CCDC146: variants seen among roughly 807,000 people sequenced by gnomAD.
CCDC146 encodes the protein coiled-coil domain containing 146.
A neutral mutation model predicts 119.3 loss-of-function variants in CCDC146; 92 were observed. The ratio of observed to expected loss-of-function variants is 0.77; its 90% CI spans 0.65 to 0.92. CCDC146 has a LOEUF of 0.92. Ranked by LOEUF, CCDC146 falls within the 40% of genes least tolerant of loss-of-function variation. The pLI is 0.00. For synonymous variants in CCDC146, 372 were observed against 371.8 expected, an observed-to-expected ratio of 1.00 and a Z score of -0.01; for missense variants, 1,000 against 1,103.0, an observed-to-expected ratio of 0.91 and a Z score of 1.32.
chr7:77,221,573 C>T (rs753578977), intron 2 of CCDC146, among the ~76,000 whole-genome samples: 3 of 152,200 alleles, frequency 2.0e-5, no homozygotes, highest in Non-Finnish European at 4.4e-5. Flanking sequence ...GCTGCACCCC[C>T]ACCCTGATAC....
At chr7:77,280,348 C>T (rs969081715) in intron 13 of CCDC146, 81 bp from the exon 14 acceptor site, 7 of 1,094,062 alleles carry the variant, frequency 6.4e-6, no homozygotes, top group Admixed American at 5.5e-5. Context: ...TTTGATAGTG[C>T]TTGTGTTTCA....
intron 1 of CCDC146, among the ~76,000 whole-genome samples, chr7:77,125,277 C>CGTTGT (rs1554344924): frequency 2.7e-5 from 4 of 148,758 alleles, no homozygotes; most frequent in African/African-American, 1.0e-4. Context: ...ACAATTTAAA[C>CGTTGT]ATATCTTGAT....
At chr7:77,244,026 C>T (rs1365720210) in intron 4 of CCDC146, among the ~76,000 whole-genome samples, 1 of 152,230 alleles carries the variant, frequency 6.6e-6, no homozygotes, top group East Asian at 1.9e-4. Context: ...TACAGATGCC[C>T]ACCACCATGC....
At chr7:77,260,268 C>T (rs1023434556) in intron 8 of CCDC146, 32 bp downstream of exon 8, 1 of 1,482,918 alleles carries the variant, frequency 6.7e-7, no homozygotes, top group South Asian at 1.3e-5. Flanking sequence ...TATGTTCTGT[C>T]ATCTAAATTT....
intron 15 of CCDC146, among the ~76,000 whole-genome samples, chr7:77,284,916 C>T (rs1400961510): frequency 6.6e-6 from 1 of 151,906 alleles, no homozygotes; most frequent in African/African-American, 2.4e-5. Context: ...CATTTCTGTG[C>T]CCTGTTCTGC....
chr7:77,271,566 A>ATATATATATATC (rs1441030994), intron 9 of CCDC146, among the ~76,000 whole-genome samples: 1 of 73,744 alleles, frequency 1.4e-5, no homozygotes, highest in African/African-American at 4.5e-5. Context: ...ATATATATAT[A>ATATATATATATC]TATGGAGATA....
chr7:77,205,989 A>T (rs1200098645), intron 2 of CCDC146, among the ~76,000 whole-genome samples: 1 of 152,230 alleles, frequency 6.6e-6, no homozygotes, highest in Non-Finnish European at 1.5e-5. Context: ...ACAGTATGAG[A>T]TCTAAAAGAA....
intron 2 of CCDC146, among the ~76,000 whole-genome samples, chr7:77,216,764 T>G (rs1792308317): frequency 6.6e-6 from 1 of 152,200 alleles, no homozygotes; most frequent in East Asian, 1.9e-4. Context: ...AGAATTTGTC[T>G]GCATTTCCCT....
chr7:77,133,506 C>T (rs911075068), intron 1 of CCDC146, among the ~76,000 whole-genome samples: 1 of 152,066 alleles, frequency 6.6e-6, no homozygotes, highest in Non-Finnish European at 1.5e-5. Context: ...TGAGCACCAC[C>T]ACACCTAGCT....
rs1793710902 is a variant in CCDC146, at chr7:77,278,986, A to G, written c.1579A>G (p.Lys527Glu). The stretch of plus-strand genomic sequence containing the variant: ...TGACACCATTCGAAATGAAAGAAAC[A>G]AATTTGTTAACTTACTCCACAAAGC... ...LYDTIRNERN[K>E]FVNLLHKAHQ... Residue 527 changes from lysine to glutamate, a missense_variant, in exon 13 of 19, where the codon AAA (lysine) becomes GAA (glutamate). Transcript: ENST00000285871. 1.2e-6 allele frequency: 2 copies of G among 1,612,390 alleles called. No homozygotes were observed. Among genetic ancestry groups the G allele is most frequent in the Admixed American group, 1.7e-5 (1 of 59,628 alleles).
rs1172738323 is a variant in CCDC146, at chr7:77,130,893, G to A, written c.-12+8161G>A. Among the ~76,000 whole-genome samples, 6 of 145,168 alleles carry A rather than the reference G, an allele frequency of 4.1e-5. No individual in the cohort carries two copies. The South Asian group carries it at 6.5e-4, about 16-fold the overall frequency. On this transcript the variant is annotated intron_variant, in intron 1 of 18. Transcript: ENST00000285871. ...ATTACAGGCGTGAGCCACCGCGCCC[G>A]GCCCTTTTTTTTTTTTTAAACGGAG... is the stretch of plus-strand genomic sequence containing the variant.
At chr7:77,234,657 C>T (rs1359345025) in intron 2 of CCDC146, among the ~76,000 whole-genome samples, 27 of 152,060 alleles carry the variant, frequency 1.8e-4, no homozygotes, top group Non-Finnish European at 2.1e-4. Context: ...ATTGCTAGAA[C>T]CCGGGAGGTA....
intron 2 of CCDC146, among the ~76,000 whole-genome samples, chr7:77,201,422 C>T (rs536037766): frequency 8.6e-5 from 13 of 151,518 alleles, no homozygotes; most frequent in East Asian, 7.8e-4. Flanking sequence ...GGTATGGTGG[C>T]GTGTGCCTGT....
chr7:77,125,197 T>A (rs71555957), intron 1 of CCDC146, among the ~76,000 whole-genome samples: 7,236 of 151,092 alleles, frequency 0.048, 600 homozygotes, highest in African/African-American at 0.17. Flanking sequence ...TCTGTCTCAA[T>A]AAAAAAATGT....
intron 2 of CCDC146, among the ~76,000 whole-genome samples, chr7:77,217,570 G>T (rs956025613): frequency 5.9e-5 from 9 of 151,854 alleles, no homozygotes; most frequent in Admixed American, 3.9e-4. Context: ...TATAGAGAGA[G>T]AGAGAGAGAG....
intron 11 of CCDC146, among the ~76,000 whole-genome samples, chr7:77,276,775 G>A (rs3108445): frequency 0.91 from 137,997 of 152,224 alleles, 62,802 homozygotes; most frequent in African/African-American, 0.98. Context: ...GAGAGATGTG[G>A]GAAGATCATC....
chr7:77,134,333 T>C (rs1324884631), intron 1 of CCDC146, among the ~76,000 whole-genome samples: 1 of 151,766 alleles, frequency 6.6e-6, no homozygotes, highest in Non-Finnish European at 1.5e-5. Context: ...GGAGAGAAAA[T>C]TGAATCATAT....
At chr7:77,165,844 G>A (rs1399127701) in intron 1 of CCDC146, among the ~76,000 whole-genome samples, 1 of 152,108 alleles carries the variant, frequency 6.6e-6, no homozygotes, top group Non-Finnish European at 1.5e-5. Context: ...AATAAAACAT[G>A]TCAAGGAGTT....
chr7:77,285,829 G>A (rs1183652235), intron 15 of CCDC146, among the ~76,000 whole-genome samples: 2 of 152,322 alleles, frequency 1.3e-5, no homozygotes, highest in South Asian at 4.1e-4. Context: ...CTATATTAGG[G>A]ATTTAGCAGA....
Sources: allele counts gnomAD v4.1 joint callset (sites outside exome capture counted in the v4.1 genomes callset), GRCh38; gene constraint gnomAD v4.1.1; transcripts MANE v1.5; gene names NCBI Gene and HGNC (gene_info 2026-07-23, HGNC 2026-07-21).